The following PDE3A variants were observed in gnomAD, a reference collection of about 807,000 sequenced individuals.
PDE3A encodes phosphodiesterase 3A, also known as cGMP-inhibited 3',5'-cyclic phosphodiesterase 3A.
Under a neutral mutation model 98.3 loss-of-function variants are expected in PDE3A, and 43 were observed. The observed-to-expected ratio is 0.44, with a 90% CI of 0.34 to 0.56. The LOEUF (loss-of-function observed/expected upper bound fraction) is 0.56, where lower values mean the gene tolerates loss of function less well. Ranked by LOEUF, PDE3A falls within the 20% of genes least tolerant of loss-of-function variation. The pLI is 0.01. For missense variants in PDE3A, 1,427 were observed against 1,440.7 expected (o/e 0.99, Z 0.15); for synonymous variants, 663 against 567.9 (o/e 1.17, Z -2.38).
At chr12:20,650,969 T>C (rs1418066044) in intron 14 of PDE3A, among the ~76,000 whole-genome samples, 1 of 152,178 alleles carries the variant, frequency 6.6e-6, no homozygotes, top group Non-Finnish European at 1.5e-5. Context: ...TAAATGTATA[T>C]GCATATCACA....
At chr12:20,524,991 A>T (rs1946489084) in intron 1 of PDE3A, among the ~76,000 whole-genome samples, 1 of 152,014 alleles carries the variant, frequency 6.6e-6, no homozygotes. Context: ...AAAAAGCCAG[A>T]CATGGTGGTG....
At chr12:20,665,943 C>T (rs1010539808) in intron 15 of PDE3A, among the ~76,000 whole-genome samples, 1 of 147,694 alleles carries the variant, frequency 6.8e-6, no homozygotes, top group African/African-American at 2.5e-5. Context: ...TCTGTCACCT[C>T]GAGTATTTGT....
rs1299520844 is a variant in PDE3A, at chr12:20,552,018, G to T, written c.961-4642G>T. The T allele has an allele frequency of 5.0e-6, 8 of 1,612,216 alleles. No homozygotes were observed. Among genetic ancestry groups the T allele is most frequent in the East Asian group, 2.2e-5 (1 of 44,886 alleles). On this transcript the variant is annotated intron_variant, in intron 1 of 15. Coordinates refer to ENST00000359062, the MANE Select transcript of PDE3A (RefSeq NM_000921.5). This position sits in a 1 kb window ranked among gnomAD's most constrained non-coding sequence, Gnocchi z 5.1. The stretch of plus-strand genomic sequence containing the variant: ...ACGGAGCGTACTCCCTAGTCCTGGC[G>T]GGGGGCTACGAGGATGACGTGGACC...
chr12:20,402,870 C>T (rs1346883734), intron 1 of PDE3A, among the ~76,000 whole-genome samples: 1 of 152,002 alleles, frequency 6.6e-6, no homozygotes, highest in Non-Finnish European at 1.5e-5. Context: ...GAGTTAAATG[C>T]ATTATAATGG....
intron 1 of PDE3A, among the ~76,000 whole-genome samples, chr12:20,430,241 A>G (rs1044730436): frequency 1.4e-4 from 22 of 152,306 alleles, no homozygotes; most frequent in African/African-American, 4.6e-4. Flanking sequence ...TTCATTGTCT[A>G]TCAAAGTTAA....
At chr12:20,378,594 T>C (rs1943612516) in intron 1 of PDE3A, among the ~76,000 whole-genome samples, 1 of 151,720 alleles carries the variant, frequency 6.6e-6, no homozygotes, top group Non-Finnish European at 1.5e-5. Flanking sequence ...AATCATGGTA[T>C]ACAAAGAAGC....
chr12:20,433,433 A>T (rs1381810504), intron 1 of PDE3A, among the ~76,000 whole-genome samples: 1 of 152,178 alleles, frequency 6.6e-6, no homozygotes, highest in African/African-American at 2.4e-5. Flanking sequence ...AGGCTTGGAA[A>T]TTACAGCAAT....
chr12:20,661,327 T>G (rs1229947091), intron 15 of PDE3A, among the ~76,000 whole-genome samples: 2 of 152,172 alleles, frequency 1.3e-5, no homozygotes, highest in African/African-American at 4.8e-5. Flanking sequence ...TTCAGAAAAT[T>G]TGCAGTCTGG....
chr12:20,599,840 A>G (rs532820734), intron 2 of PDE3A, among the ~76,000 whole-genome samples: 1 of 151,858 alleles, frequency 6.6e-6, no homozygotes, highest in Non-Finnish European at 1.5e-5. Context: ...TCTTCCTTTC[A>G]TTGCTCAATT....
chr12:20,544,210 T>C (rs1346683883), intron 1 of PDE3A, among the ~76,000 whole-genome samples: 1 of 149,958 alleles, frequency 6.7e-6, no homozygotes, highest in Non-Finnish European at 1.5e-5. Context: ...TATGTGTATA[T>C]ATATTTCCCT....
At chr12:20,512,209 T>C (rs1946239475) in intron 1 of PDE3A, among the ~76,000 whole-genome samples, 1 of 151,932 alleles carries the variant, frequency 6.6e-6, no homozygotes, top group Non-Finnish European at 1.5e-5. Context: ...TTATAACAAT[T>C]GTACTATGCT....
chr12:20,593,670 G>A (rs1220085187), intron 2 of PDE3A, among the ~76,000 whole-genome samples: 1 of 152,136 alleles, frequency 6.6e-6, no homozygotes, highest in Non-Finnish European at 1.5e-5. Context: ...TCCAGTTTTG[G>A]TTAGTGATTT....
At chr12:20,569,411 A>C (rs1301566863) in intron 2 of PDE3A, among the ~76,000 whole-genome samples, 1 of 152,128 alleles carries the variant, frequency 6.6e-6, no homozygotes, top group Non-Finnish European at 1.5e-5. Context: ...TTATGAGGGA[A>C]TTAGGGTTAC....
chr12:20,539,018 C>T (rs781070144), intron 1 of PDE3A, among the ~76,000 whole-genome samples: 3 of 151,902 alleles, frequency 2.0e-5, no homozygotes, highest in Non-Finnish European at 4.4e-5. Flanking sequence ...TCCCTTAACA[C>T]GTGCCAATTA....
intron 1 of PDE3A, among the ~76,000 whole-genome samples, chr12:20,443,511 A>G (rs1944903757): frequency 6.6e-6 from 1 of 152,190 alleles, no homozygotes. Flanking sequence ...AATCGAAAAT[A>G]AATATCTGTT....
intron 1 of PDE3A, among the ~76,000 whole-genome samples, chr12:20,481,919 C>T (rs1012845494): frequency 6.6e-6 from 1 of 151,224 alleles, no homozygotes; most frequent in Admixed American, 6.6e-5. Context: ...CGCCCGCCAC[C>T]ACGCCCAGCT....
rs1448856224 is a variant in PDE3A, at chr12:20,615,021, T to C, written c.1270-1209T>C. Among the ~76,000 whole-genome samples, 142 of 135,458 alleles carry C rather than the reference T, an allele frequency of 1.0e-3. 2 individuals are homozygous for C. The South Asian group carries it at 0.031, about 30-fold the overall frequency. 88.9% of individuals were successfully genotyped at this position (135,458 alleles called of 152,430 possible). A position where few individuals can be genotyped will look rare whatever the true frequency, so the allele number is the denominator to read the frequency against. ...TTTTCTTTCTTTCTCTCTTTCTTTTTTTTTTTTTTTTTTTTTTTGAGACGG... is the reference window on the plus strand; with the variant it reads ...TTTTCTTTCTTTCTCTCTTTCTTTTCTTTTTTTTTTTTTTTTTTGAGACGG... On this transcript the variant is annotated intron_variant, in intron 3 of 15. Transcript: ENST00000359062.
chr12:20,553,360 T>G (rs893908582), intron 1 of PDE3A, among the ~76,000 whole-genome samples: 1 of 107,942 alleles, frequency 9.3e-6, no homozygotes, highest in African/African-American at 3.7e-5. Flanking sequence ...TTCTCAGAAG[T>G]TGCTGCCACC....
chr12:20,395,984 C>T (rs1944010480), intron 1 of PDE3A, among the ~76,000 whole-genome samples: 1 of 151,998 alleles, frequency 6.6e-6, no homozygotes, highest in Admixed American at 6.6e-5. Context: ...TAACCTTGAA[C>T]ACTTACGCTC....
Sources: gnomAD v4.1 joint callset for allele counts (sites outside exome capture counted in the v4.1 genomes callset) on GRCh38, gnomAD v4.1.1 for gene constraint, Gnocchi (gnomAD v3.1) non-coding constraint, MANE v1.5 for transcripts, NCBI Gene and HGNC (gene_info 2026-07-23, HGNC 2026-07-21) for gene names.